The following TP63 variants were observed in gnomAD, a reference collection of about 807,000 sequenced individuals.
TP63 encodes tumor protein 63.
Under a neutral mutation model 82.8 loss-of-function variants are expected in TP63, and 17 were observed. The observed-to-expected ratio is 0.21, with a 90% CI of 0.14 to 0.31. The LOEUF (loss-of-function observed/expected upper bound fraction) is 0.31, where lower values mean the gene tolerates loss of function less well. TP63 is among the 10% of genes least tolerant of loss of function. TP63 has a pLI of 1.00. For missense variants in TP63, 648 were observed against 895.3 expected (o/e 0.72, Z 3.52); for synonymous variants, 330 against 321.7 (o/e 1.03, Z -0.28).
intron 1 of TP63, among the ~76,000 whole-genome samples, chr3:189,705,883 T>C (rs1279210550): frequency 6.6e-6 from 1 of 152,166 alleles, no homozygotes; most frequent in Non-Finnish European, 1.5e-5. Flanking sequence ...CTACTGTGAA[T>C]TCACAATGCC....
At chr3:189,603,215 G>A in the TP63 span, among the ~76,000 whole-genome samples, 10 of 152,230 alleles carry the variant, frequency 6.6e-5, no homozygotes, top group South Asian at 4.2e-4. Context: ...TACTAATGCA[G>A]CAGTGGAACC....
intron 1 of TP63, among the ~76,000 whole-genome samples, chr3:189,677,449 C>T (rs1397121698): frequency 1.4e-5 from 2 of 147,374 alleles, no homozygotes; most frequent in African/African-American, 5.0e-5. Flanking sequence ...TATATACACA[C>T]ATATATATAC....
chr3:189,793,663 A>ATAAC (rs1471807433), intron 3 of TP63, among the ~76,000 whole-genome samples: 1 of 152,080 alleles, frequency 6.6e-6, no homozygotes, highest in Non-Finnish European at 1.5e-5. Context: ...CCTTCCTAGT[A>ATAAC]TAACTTTTCT....
intron 3 of TP63, chr3:189,789,804 T>C (rs1724943497): frequency 6.3e-7 from 1 of 1,596,354 alleles, no homozygotes. Flanking sequence ...AGCTAACATG[T>C]TGTACCTGGA....
intron 3 of TP63, among the ~76,000 whole-genome samples, chr3:189,765,908 T>C (rs921115497): frequency 3.3e-5 from 5 of 152,172 alleles, no homozygotes; most frequent in African/African-American, 1.2e-4. Flanking sequence ...TTGGGCTAGG[T>C]GAATACTCAG....
At chr3:189,836,436 C>G (rs1309939568) in intron 4 of TP63, among the ~76,000 whole-genome samples, 1 of 152,124 alleles carries the variant, frequency 6.6e-6, no homozygotes, top group Non-Finnish European at 1.5e-5. Flanking sequence ...AAGTATAACT[C>G]TTATAGGGTT....
chr3:189,751,089 G>A (rs1378111427), intron 3 of TP63, among the ~76,000 whole-genome samples: 1 of 152,108 alleles, frequency 6.6e-6, no homozygotes, highest in African/African-American at 2.4e-5. Context: ...CTGTCTTTGT[G>A]ATAGTTTGCT....
intron 1 of TP63, among the ~76,000 whole-genome samples, chr3:189,713,312 C>A (rs2108757282): frequency 6.6e-6 from 1 of 150,960 alleles, no homozygotes. Context: ...GGGGAAGAGG[C>A]CAATTATCAG....
intron 1 of TP63, among the ~76,000 whole-genome samples, chr3:189,702,015 A>C (rs1259831123): frequency 6.6e-6 from 1 of 152,212 alleles, no homozygotes; most frequent in Non-Finnish European, 1.5e-5. Context: ...GGGCAAATGC[A>C]TTATCTTAGG....
chr3:189,781,529 C>T (rs2108576850), intron 3 of TP63, among the ~76,000 whole-genome samples: 1 of 152,244 alleles, frequency 6.6e-6, no homozygotes, highest in East Asian at 1.9e-4. Context: ...GAGCAAAATG[C>T]AATCCCCGCC....
chr3:189,664,303 A>G (rs1714185425), intron 1 of TP63, among the ~76,000 whole-genome samples: 1 of 152,192 alleles, frequency 6.6e-6, no homozygotes, highest in Admixed American at 6.6e-5. Flanking sequence ...CGTTACTAAA[A>G]TCTTTTGTAA....
chr3:189,688,186 A>G (rs1716596967), intron 1 of TP63, among the ~76,000 whole-genome samples: 1 of 152,216 alleles, frequency 6.6e-6, no homozygotes, highest in South Asian at 2.1e-4. Flanking sequence ...CACTAAAATT[A>G]AAATCTTCAA....
At chr3:189,765,433 C>CTTTTTTTTTTTGTTTTTTTTTTTTTTTT (rs1722875526) in intron 3 of TP63, among the ~76,000 whole-genome samples, 1 of 30,088 alleles carries the variant, frequency 3.3e-5, no homozygotes, top group Non-Finnish European at 5.9e-5. Flanking sequence ...CTGTCCTCTG[C>CTTTTTTTTTTTGTTTTTTTTTTTTTTTT]TTTTTTTTTT....
At chr3:189,784,931 T>C (rs1168040204) in intron 3 of TP63, among the ~76,000 whole-genome samples, 1 of 152,096 alleles carries the variant, frequency 6.6e-6, no homozygotes, top group Non-Finnish European at 1.5e-5. Flanking sequence ...CAGTGTGTTC[T>C]GTTGATCATC....
chr3:189,739,092 G>A (rs1375197547), intron 3 of TP63, among the ~76,000 whole-genome samples: 5 of 152,102 alleles, frequency 3.3e-5, no homozygotes, highest in Admixed American at 6.6e-5. Context: ...GGTAGGGACA[G>A]CAAAAGAATC....
At chr3:189,673,882 C>T (rs919643201) in intron 1 of TP63, among the ~76,000 whole-genome samples, 3 of 152,034 alleles carry the variant, frequency 2.0e-5, no homozygotes, top group Non-Finnish European at 4.4e-5. Context: ...GGCATAAACC[C>T]TGAACTTAAT....
intron 4 of TP63, among the ~76,000 whole-genome samples, chr3:189,826,426 T>G (rs78223572): frequency 0.045 from 6,923 of 152,268 alleles, 214 homozygotes; most frequent in South Asian, 0.078. Flanking sequence ...AGGGATACTG[T>G]GTATATTTTT....
intron 3 of TP63, among the ~76,000 whole-genome samples, chr3:189,749,170 G>A (rs1721608049): frequency 1.3e-5 from 2 of 151,988 alleles, no homozygotes; most frequent in Admixed American, 1.3e-4. Flanking sequence ...ATAGACAAAT[G>A]GGACTATTTA....
In TP63 at chr3:189,894,871, G is replaced by A. The variant is rs1721355072; in HGVS notation, c.*369G>A. The A allele has an allele frequency of 8.5e-6, 2 of 235,292 alleles. No homozygotes were observed. The highest frequency in any genetic ancestry group is 1.7e-5 in the Non-Finnish European group (2 of 119,014). 14.6% of individuals were successfully genotyped at this position (235,292 alleles called of 1,614,324 possible). On this transcript the variant is annotated 3_prime_UTR_variant, in exon 14 of 14. Transcript: ENST00000264731. ...ATAAATATACAGTATAGATTTTTGG[G>A]TGGGGGGCATTGAGTATTGTTTAAA... is the stretch of plus-strand genomic sequence containing the variant.
Sources: gnomAD v4.1 joint callset for allele counts (sites outside exome capture counted in the v4.1 genomes callset) on GRCh38, gnomAD v4.1.1 for gene constraint, MANE v1.5 for transcripts, NCBI Gene and HGNC (gene_info 2026-07-23, HGNC 2026-07-21) for gene names.